Variants in CALM2 observed in about 807,000 individuals in gnomAD.
CALM2 encodes the protein calmodulin-2.
In CALM2, 2 loss-of-function variants were observed where a neutral mutation model predicts 19.8. The observed-to-expected ratio is 0.10, with a 90% CI of 0.04 to 0.32. The LOEUF (loss-of-function observed/expected upper bound fraction) is 0.32. CALM2 is among the 10% of genes least tolerant of loss of function. The pLI is 1.00. For missense variants in CALM2, 38 were observed against 178.7 expected (o/e 0.21, Z 4.49); for synonymous variants, 51 against 52.1 (o/e 0.98, Z 0.09).
chr2:47,172,902 A>T (rs1666724527), intron 1 of CALM2: 1 of 152,064 alleles, frequency 6.6e-6, no homozygotes, highest in Non-Finnish European at 1.5e-5. Context: ...TTAGCAATTT[A>T]GGAACCACTG....
At chr2:47,176,336 C>T (rs150870960) in intron 1 of CALM2, 105 bp downstream of exon 1, 419 of 1,399,910 alleles carry the variant, frequency 3.0e-4, no homozygotes, top group Admixed American at 7.8e-4. Flanking sequence ...CTGGCAGAAA[C>T]CACTCCTTGA....
chr2:47,162,363 G>A lies in CALM2; in HGVS notation c.208C>T (p.Leu70=). 1.9e-6 allele frequency: 3 copies of A among 1,611,332 alleles called. No individual in the cohort carries two copies. Among genetic ancestry groups the A allele is most frequent in the Non-Finnish European group, 2.5e-6 (3 of 1,178,972 alleles). The change falls in exon 4 of 6, where the codon CTG becomes TTG. Residue 70 remains leucine (L), a synonymous_variant. Coordinates refer to ENST00000272298, the MANE Select transcript of CALM2 (RefSeq NM_001743.6). The part of the protein sequence containing the change: ...GNGTIDFPEF[L]TMMARKMKDT... Reference sequence around the variant, plus strand: ...TTCATTTTTCTTGCCATCATTGTCAGAAATTCAGGGAAGTCAATTGTGCCA... The same window carrying A: ...TTCATTTTTCTTGCCATCATTGTCAAAAATTCAGGGAAGTCAATTGTGCCA...
chr2:47,163,147 T>A (rs1687208084), intron 2 of CALM2: 1 of 155,420 alleles, frequency 6.4e-6, no homozygotes, highest in Admixed American at 6.2e-5. Flanking sequence ...TACAGAGTAA[T>A]TAAACTGTTT....
intron 2 of CALM2, among the ~76,000 whole-genome samples, chr2:47,169,718 T>C (rs1028594435): frequency 1.3e-5 from 2 of 152,188 alleles, no homozygotes; most frequent in African/African-American, 4.8e-5. Flanking sequence ...AGTGTAATTC[T>C]GGTATCCCCC....
At chr2:47,170,603 A>G in intron 2 of CALM2, 131 bp downstream of exon 2, 3 of 770,368 alleles carry the variant, frequency 3.9e-6, no homozygotes, top group Admixed American at 3.8e-5. Context: ...ACTGTATTAT[A>G]TTATACCCAT....
intron 4 of CALM2, 45 bp downstream of exon 4, chr2:47,162,241 C>G: frequency 1.2e-6 from 1 of 802,396 alleles, no homozygotes; most frequent in Non-Finnish European, 1.9e-6. Flanking sequence ...GTCCTGGTAT[C>G]TTCATTTCAT....
At chr2:47,176,073 C>A (rs562210056) in intron 1 of CALM2, among the ~76,000 whole-genome samples, 410 of 152,262 alleles carry the variant, frequency 2.7e-3, no homozygotes, top group Non-Finnish European at 4.0e-3. Context: ...CTTGACCTTT[C>A]CAGACGCCCG....
intron 2 of CALM2, among the ~76,000 whole-genome samples, chr2:47,167,165 C>G (rs1666500653): frequency 4.6e-5 from 7 of 152,152 alleles, no homozygotes; most frequent in Admixed American, 4.6e-4. Flanking sequence ...GCGCTTCATG[C>G]AGTTGTTGCT....
chr2:47,175,097 T>TTTTTTTTTTTTTTTTTTTTC (rs751897252), intron 1 of CALM2, among the ~76,000 whole-genome samples: 1 of 126,630 alleles, frequency 7.9e-6, no homozygotes, highest in African/African-American at 3.9e-5. Flanking sequence ...TTTTTTTTTT[T>TTTTTTTTTTTTTTTTTTTTC]TCAGGAAAGA....
upstream of CALM2, chr2:47,176,619 C>T: frequency 6.6e-7 from 1 of 1,517,764 alleles, no homozygotes; most frequent in South Asian, 1.2e-5. Context: ...CAACCCCCTC[C>T]CCTCAAACTC....
At chr2:47,170,824 G>C in intron 1 of CALM2, 60 bp from the exon 2 acceptor site, 4 of 1,410,928 alleles carry the variant, frequency 2.8e-6, no homozygotes, top group South Asian at 1.2e-5. Context: ...AGCAGTTACA[G>C]AAACAAGTTT....
At chr2:47,164,685 TC>T (rs1489041679) in intron 2 of CALM2, among the ~76,000 whole-genome samples, 1 of 152,200 alleles carries the variant, frequency 6.6e-6, no homozygotes, top group Non-Finnish European at 1.5e-5. Context: ...GCTAGTATTT[TC>T]CAAGTAAGTC....
chr2:47,172,307 T>C, intron 1 of CALM2: 1 of 379,128 alleles, frequency 2.6e-6, no homozygotes, highest in South Asian at 2.0e-5. Context: ...AAGTTCTGAG[T>C]CACAGGCCAG....
chr2:47,165,779 A>C (rs1412021947), intron 2 of CALM2, among the ~76,000 whole-genome samples: 1 of 152,208 alleles, frequency 6.6e-6, no homozygotes, highest in Admixed American at 6.5e-5. Flanking sequence ...ATGACAAGCA[A>C]AACATATGAA....
At chr2:47,164,785 T>A (rs896371879) in intron 2 of CALM2, among the ~76,000 whole-genome samples, 4 of 152,212 alleles carry the variant, frequency 2.6e-5, no homozygotes, top group African/African-American at 9.6e-5. Flanking sequence ...AACATAGCCA[T>A]ACATTTGAAA....
At chr2:47,175,081 G>GTTTTTTTTTTTTTTTTTTTT (rs563702873) in intron 1 of CALM2, among the ~76,000 whole-genome samples, 1 of 77,964 alleles carries the variant, frequency 1.3e-5, no homozygotes, top group African/African-American at 9.2e-5. Flanking sequence ...CTCATTAGGT[G>GTTTTTTTTTTTTTTTTTTTT]TTTTTTTTTT....
At chr2:47,167,791 A>T (rs981043148) in intron 2 of CALM2, 1 of 111,698 alleles carries the variant, frequency 9.0e-6, no homozygotes, top group Non-Finnish European at 1.7e-5. Context: ...AAAAAAAAAA[A>T]AAAAAAAATT....
chr2:47,163,188 G>A (rs1687209234), intron 2 of CALM2: 1 of 152,652 alleles, frequency 6.6e-6, no homozygotes, highest in Admixed American at 6.5e-5. Flanking sequence ...TAGCCACTAT[G>A]TCTAAATCAA....
intron 1 of CALM2, chr2:47,174,063 T>C (rs1177116331): frequency 2.6e-5 from 4 of 152,220 alleles, no homozygotes; most frequent in Admixed American, 6.5e-5. Context: ...AGAACAATTA[T>C]TTAGACTCAA....
Sources: allele counts gnomAD v4.1 joint callset (sites outside exome capture counted in the v4.1 genomes callset), GRCh38; gene constraint gnomAD v4.1.1; transcripts MANE v1.5; gene names NCBI Gene and HGNC (gene_info 2026-07-23, HGNC 2026-07-21).